The following TASP1 variants were observed in gnomAD, a reference collection of about 807,000 sequenced individuals.
TASP1 encodes the protein threonine aspartase 1.
In TASP1, 16 loss-of-function variants were observed where a neutral mutation model predicts 56.6. The observed-to-expected ratio is 0.28, with a 90% CI of 0.19 to 0.43. The LOEUF (loss-of-function observed/expected upper bound fraction) is 0.43, where lower values mean the gene tolerates loss of function less well. Ranked by LOEUF, TASP1 falls within the 20% of genes least tolerant of loss-of-function variation. TASP1 has a pLI of 1.00. For missense variants in TASP1, 393 were observed against 511.6 expected, an observed-to-expected ratio of 0.77 and a Z score of 2.24; for synonymous variants, 179 against 184.2, an observed-to-expected ratio of 0.97 and a Z score of 0.23.
intron 10 of TASP1, among the ~76,000 whole-genome samples, chr20:13,492,589 T>C (rs961202126): frequency 6.6e-6 from 1 of 152,174 alleles, no homozygotes; most frequent in African/African-American, 2.4e-5. Flanking sequence ...GGGGAAAACA[T>C]AAGGAGCTTC....
At chr20:13,629,848 T>G in intron 2 of TASP1, 86 bp downstream of exon 2, 1 of 1,586,362 alleles carries the variant, frequency 6.3e-7, no homozygotes, top group Admixed American at 1.8e-5. Flanking sequence ...CTCCTCCAAG[T>G]GTGAAATGTG....
At chr20:13,335,486 T>C in the TASP1 span, among the ~76,000 whole-genome samples, 6 of 152,110 alleles carry the variant, frequency 3.9e-5, no homozygotes, top group African/African-American at 1.4e-4. Context: ...CCATCCGTGA[T>C]TTTAGAGTAC....
chr20:13,275,224 G>A, the TASP1 span, among the ~76,000 whole-genome samples: 1 of 151,990 alleles, frequency 6.6e-6, no homozygotes, highest in Non-Finnish European at 1.5e-5. Flanking sequence ...TCATGTAAAG[G>A]CCTTTTTTTC....
the TASP1 span, among the ~76,000 whole-genome samples, chr20:13,188,604 C>T: frequency 6.6e-6 from 1 of 152,106 alleles, no homozygotes; most frequent in Non-Finnish European, 1.5e-5. Flanking sequence ...AATAACCATA[C>T]TATCCAAAGC....
At chr20:13,575,391 T>C (rs1013146719) in intron 6 of TASP1, among the ~76,000 whole-genome samples, 23 of 152,156 alleles carry the variant, frequency 1.5e-4, no homozygotes, top group African/African-American at 5.6e-4. Flanking sequence ...TATAACTGAA[T>C]CATGGGAGCA....
rs918322446 is a variant in TASP1, at chr20:13,469,957, T to C, written c.985+13270A>G. Among the ~76,000 whole-genome samples the C allele has an allele frequency of 1.1e-4, 17 of 151,840 alleles. 1 individual carries two copies. Among genetic ancestry groups the C allele is most frequent in the African/African-American group, 3.9e-4 (16 of 41,460 alleles). On this transcript the variant is annotated intron_variant, in intron 11 of 13. Coordinates refer to ENST00000337743, the MANE Select transcript of TASP1 (RefSeq NM_017714.3). Reference sequence around the variant, plus strand: ...CCGAGTAGCAGGAACTATAGGCACCTGACACCATGCCTGGCTAATTCTTGT... The same window carrying C: ...CCGAGTAGCAGGAACTATAGGCACCCGACACCATGCCTGGCTAATTCTTGT...
chr20:13,576,342 G>GAAGAAAGGAAGAAAGGAAGAAAGAAAGA (rs1395310069), intron 6 of TASP1, among the ~76,000 whole-genome samples: 7 of 131,648 alleles, frequency 5.3e-5, no homozygotes, highest in African/African-American at 2.0e-4. Flanking sequence ...AGAAAGAAAG[G>GAAGAAAGGAAGAAAGGAAGAAAGAAAGA]AAGAAAGAAA....
chr20:13,200,103 A>G, the TASP1 span, among the ~76,000 whole-genome samples: 1 of 152,250 alleles, frequency 6.6e-6, no homozygotes, highest in African/African-American at 2.4e-5. Context: ...AAATTCACAA[A>G]GGTACTATGG....
chr20:13,438,668 T>A (rs1013299510), intron 11 of TASP1, among the ~76,000 whole-genome samples: 18 of 152,150 alleles, frequency 1.2e-4, no homozygotes, highest in African/African-American at 4.3e-4. Context: ...ATCTAATTAA[T>A]CTAAAGAGCT....
Position 13,412,144 on chromosome 20 carries a change from A to C in TASP1, c.1170+5304T>G, listed in dbSNP as rs537432177. Among the ~76,000 whole-genome samples the C allele has an allele frequency of 4.6e-5, 7 of 152,294 alleles. No individual in the cohort carries two copies. In the South Asian group the frequency reaches 1.5e-3, roughly 32 times the overall value. On this transcript the variant is annotated intron_variant, in intron 13 of 13. Transcript: ENST00000337743. ...CCAAGCTTTGGTGTGTTGCCACTTG[A>C]TGAAGGCCTCACAGAGAAAAACTGG...
chr20:13,448,917 G>A (rs779906434), intron 11 of TASP1, among the ~76,000 whole-genome samples: 19 of 151,978 alleles, frequency 1.3e-4, no homozygotes, highest in Non-Finnish European at 2.6e-4. Flanking sequence ...TTCTAAGAGG[G>A]GTTAGATGGC....
At chr20:13,138,378 C>G in the TASP1 span, among the ~76,000 whole-genome samples, 2,831 of 152,284 alleles carry the variant, frequency 0.019, 45 homozygotes, top group Non-Finnish European at 0.03. Context: ...CTCCTGAGCC[C>G]CTGGCCATCC....
the TASP1 span, among the ~76,000 whole-genome samples, chr20:13,343,150 T>C: frequency 7.2e-5 from 11 of 152,092 alleles, no homozygotes; most frequent in African/African-American, 2.7e-4. Flanking sequence ...GTGACATTCC[T>C]GGGTGAGTGG....
At position 13,625,256 on chromosome 20, in the gene TASP1, A is replaced by C. The variant is rs2070307; in HGVS notation, c.146-4T>G. The C allele has an allele frequency of 3.1e-6, 5 of 1,601,344 alleles. No homozygotes were observed. Among genetic ancestry groups the C allele is most frequent in the African/African-American group, 1.4e-5 (1 of 74,004 alleles). On this transcript the variant is annotated splice_polypyrimidine_tract_variant and splice_region_variant and intron_variant, in intron 2 of 13. Transcript: ENST00000337743. ...GATTCAGAATGATAACCTGCACCTA[A>C]AGTAGAAAATAAAATCCAGTTAATT...
At chr20:13,576,318 G>A (rs1487909707) in intron 6 of TASP1, among the ~76,000 whole-genome samples, 1 of 143,498 alleles carries the variant, frequency 7.0e-6, no homozygotes, top group Non-Finnish European at 1.5e-5. Flanking sequence ...GAGAGAGAAA[G>A]AAAGAAAAGA....
At chr20:13,434,101 A>G (rs1207158525) in intron 12 of TASP1, among the ~76,000 whole-genome samples, 1 of 152,150 alleles carries the variant, frequency 6.6e-6, no homozygotes, top group African/African-American at 2.4e-5. Flanking sequence ...GATAAAGACC[A>G]GAAGGTGTCA....
At chr20:13,563,278 G>C (rs2046410743) in intron 7 of TASP1, among the ~76,000 whole-genome samples, 1 of 151,720 alleles carries the variant, frequency 6.6e-6, no homozygotes, top group Non-Finnish European at 1.5e-5. Flanking sequence ...CTAGTAAGGA[G>C]ATTGAATCAA....
the TASP1 span, among the ~76,000 whole-genome samples, chr20:13,280,393 C>G: frequency 2.9e-4 from 8 of 27,886 alleles, no homozygotes; most frequent in South Asian, 2.4e-3. Context: ...TCAAAGTAAC[C>G]CCCCCCCCCC....
chr20:13,172,059 G>T, the TASP1 span, among the ~76,000 whole-genome samples: 6 of 151,838 alleles, frequency 4.0e-5, no homozygotes, highest in Non-Finnish European at 8.8e-5. Flanking sequence ...GAAAAAAATA[G>T]AAAACATGAG....
Sources: gnomAD v4.1 joint callset for allele counts (sites outside exome capture counted in the v4.1 genomes callset) on GRCh38, gnomAD v4.1.1 for gene constraint, MANE v1.5 for transcripts, NCBI Gene and HGNC (gene_info 2026-07-23, HGNC 2026-07-21) for gene names.